PHACTR4: variants seen among roughly 807,000 people sequenced by gnomAD.
PHACTR4 encodes phosphatase and actin regulator 4, also known as protein phosphatase 1, regulatory subunit 124.
A neutral mutation model predicts 72.7 loss-of-function variants in PHACTR4; 51 were observed. The ratio of observed to expected loss-of-function variants is 0.70; its 90% CI spans 0.56 to 0.89. PHACTR4 has a LOEUF of 0.89. Among genes scored for constraint, PHACTR4 ranks in the 40% least tolerant of loss-of-function variants. The pLI, the probability that PHACTR4 is intolerant of heterozygous loss-of-function variation, is 0.00. For missense variants in PHACTR4, 731 were observed against 861.8 expected (o/e 0.85, Z 1.90); for synonymous variants, 255 against 302.5 (o/e 0.84, Z 1.63).
chr1:28,377,831 CAAAA>C (rs113558661), intron 1 of PHACTR4, among the ~76,000 whole-genome samples: 1 of 107,528 alleles, frequency 9.3e-6, no homozygotes, highest in African/African-American at 3.6e-5. Flanking sequence ...AAGACCATCT[CAAAA>C]AAAAAAAAAA....
intron 1 of PHACTR4, among the ~76,000 whole-genome samples, chr1:28,398,472 G>T (rs1653690724): frequency 6.6e-6 from 1 of 152,220 alleles, no homozygotes; most frequent in South Asian, 2.1e-4. Context: ...AGTGAGCCGA[G>T]ATCATGCCAC....
At chr1:28,414,427 CAA>C (rs765271793) in intron 2 of PHACTR4, among the ~76,000 whole-genome samples, 3 of 61,230 alleles carry the variant, frequency 4.9e-5, no homozygotes, top group Non-Finnish European at 6.9e-5. Flanking sequence ...TCCTCTGTCT[CAA>C]AAAAAAAAAA....
intron 2 of PHACTR4, among the ~76,000 whole-genome samples, chr1:28,456,920 T>C (rs75046396): frequency 4.2e-3 from 2 of 480 alleles, no homozygotes; most frequent in Middle Eastern, 0.5. Flanking sequence ...GAGAGACAGA[T>C]AGATAGATAG....
chr1:28,426,117 A>C (rs2124358396), intron 2 of PHACTR4, among the ~76,000 whole-genome samples: 1 of 152,192 alleles, frequency 6.6e-6, no homozygotes, highest in Middle Eastern at 3.4e-3. Context: ...GCTACTCGGG[A>C]GGCTGAGGCG....
intron 2 of PHACTR4, among the ~76,000 whole-genome samples, chr1:28,436,305 T>C (rs897681208): frequency 2.6e-5 from 4 of 152,132 alleles, no homozygotes; most frequent in African/African-American, 9.7e-5. Context: ...GCTCACTGTG[T>C]TGCCGAGGCT....
chr1:28,426,438 C>T (rs1655851630), intron 2 of PHACTR4, among the ~76,000 whole-genome samples: 1 of 151,916 alleles, frequency 6.6e-6, no homozygotes, highest in South Asian at 2.1e-4. Flanking sequence ...GCGGGTGGAT[C>T]ACGAGGTCAG....
In PHACTR4 at chr1:28,491,514, C is replaced by T. The variant is rs1477402279; in HGVS notation, c.1879-136C>T. ...TAACCATAATCACTGGGGGTGGGAC[C>T]TCCAGGGATCAATAGTGTCTAAAGC... On this transcript the variant is annotated intron_variant, in intron 11 of 13. Transcript: ENST00000373839. 20 of 1,203,340 alleles carry T rather than the reference C, an allele frequency of 1.7e-5. No homozygotes were observed. In the Admixed American group the frequency reaches 2.4e-4, roughly 14 times the overall value. 74.5% of individuals were successfully genotyped at this position (1,203,340 alleles called of 1,614,324 possible). A position where few individuals can be genotyped will look rare whatever the true frequency, so the allele number is the denominator to read the frequency against.
Position 28,459,147 on chromosome 1 carries a change from A to G in PHACTR4, c.79A>G (p.Thr27Ala). ...CCTGGACAGTGTGGAAGCAGGAGAC[A>G]CAACACCTCCTACCAAAAGGAAGAG... is the stretch of plus-strand genomic sequence containing the variant. ...MVLDSVEAGD[T>A]TPPTKRKSKF... The change falls in exon 3 of 14, where the codon ACA becomes GCA. Residue 27 changes from threonine (T) to alanine (A), a missense_variant. Thr to Ala is a moderately conservative substitution (Grantham distance 58, BLOSUM62 0). This residue lies in a region of PHACTR4 where 621 missense variants were observed against 676.6 expected (regional missense o/e 0.92). Coordinates refer to ENST00000373839, the MANE Select transcript of PHACTR4 (RefSeq NM_001048183.3). 6.2e-7 allele frequency: 1 copy of G among 1,614,024 alleles called. No homozygotes were observed. Among genetic ancestry groups the G allele is most frequent in the Non-Finnish European group, 8.5e-7 (1 of 1,179,930 alleles).
intron 2 of PHACTR4, among the ~76,000 whole-genome samples, chr1:28,439,068 G>A (rs191735631): frequency 7.9e-5 from 12 of 152,122 alleles, no homozygotes; most frequent in African/African-American, 2.9e-4. Flanking sequence ...GTAGTCACTT[G>A]TCACTGCAAG....
At chr1:28,423,238 T>C (rs962472110) in intron 2 of PHACTR4, among the ~76,000 whole-genome samples, 1 of 152,038 alleles carries the variant, frequency 6.6e-6, no homozygotes, top group Non-Finnish European at 1.5e-5. Context: ...CAAGACCTTG[T>C]CTTGACAAAA....
At chr1:28,487,114 C>A (rs1225914155) in intron 9 of PHACTR4, among the ~76,000 whole-genome samples, 1 of 152,060 alleles carries the variant, frequency 6.6e-6, no homozygotes, top group Non-Finnish European at 1.5e-5. Flanking sequence ...CGCCTGTAAT[C>A]CCAGCACTTT....
intron 9 of PHACTR4, among the ~76,000 whole-genome samples, chr1:28,487,717 GTTTTTTGTTGTTTTTTTTT>G (rs1329893427): frequency 2.0e-5 from 2 of 102,416 alleles, no homozygotes; most frequent in Admixed American, 9.9e-5. Flanking sequence ...ACAAATTGTA[GTTTTTTGTTGTTTTTTTTT>G]TTTTTTTTTT....
At position 28,455,201 on chromosome 1, in the gene PHACTR4, T is replaced by TC. The variant is rs1250797359; in HGVS notation, c.17-3884_17-3883insC. 5.7e-3 allele frequency among the ~76,000 whole-genome samples: 766 copies of TC among 133,576 alleles called. 8 individuals are homozygous for TC. Among genetic ancestry groups the TC allele is most frequent in the African/African-American group, 0.022 (688 of 31,598 alleles). 87.6% of individuals were successfully genotyped at this position (133,576 alleles called of 152,430 possible). A position where few individuals can be genotyped will look rare whatever the true frequency, so the allele number is the denominator to read the frequency against. On this transcript the variant is annotated intron_variant, in intron 2 of 13. Coordinates refer to ENST00000373839, the MANE Select transcript of PHACTR4 (RefSeq NM_001048183.3). ...TTCTTTTTCTTTTTCTTTCTTTCTT[T>TC]TTTTTTTTTTTTTTTTTGAGACAGA...
chr1:28,455,186 T>TTTTC (rs1557826348), intron 2 of PHACTR4, among the ~76,000 whole-genome samples: 3 of 129,040 alleles, frequency 2.3e-5, no homozygotes, highest in Admixed American at 7.7e-5. Context: ...TTCTTTTTCT[T>TTTTC]TTTCTTTCTT....
intron 1 of PHACTR4, among the ~76,000 whole-genome samples, chr1:28,401,065 A>G (rs1653909449): frequency 6.6e-6 from 1 of 152,054 alleles, no homozygotes; most frequent in Non-Finnish European, 1.5e-5. Flanking sequence ...CTTAGGTGGG[A>G]GGATTCTGCA....
chr1:28,394,309 A>T (rs1044583419), intron 1 of PHACTR4, among the ~76,000 whole-genome samples: 1 of 151,210 alleles, frequency 6.6e-6, no homozygotes, highest in Admixed American at 6.6e-5. Flanking sequence ...GGGAGGAAGG[A>T]AGAGGGAGGA....
At chr1:28,377,465 C>T (rs1244160573) in intron 1 of PHACTR4, among the ~76,000 whole-genome samples, 5 of 151,512 alleles carry the variant, frequency 3.3e-5, no homozygotes, top group African/African-American at 1.2e-4. Flanking sequence ...GTTTTGAACT[C>T]CTGACCTCAA....
intron 2 of PHACTR4, among the ~76,000 whole-genome samples, chr1:28,455,505 A>G (rs1297654287): frequency 6.6e-6 from 1 of 151,582 alleles, no homozygotes; most frequent in Non-Finnish European, 1.5e-5. Flanking sequence ...CCCCTAATTC[A>G]TTTTTCTTCA....
At chr1:28,481,764 T>A (rs1222888143) in intron 9 of PHACTR4, among the ~76,000 whole-genome samples, 1 of 146,774 alleles carries the variant, frequency 6.8e-6, no homozygotes, top group East Asian at 2.0e-4. Flanking sequence ...TACTGCAGCC[T>A]GGGCAACAGA....
Sources: gnomAD v4.1 joint callset for allele counts (sites outside exome capture counted in the v4.1 genomes callset) on GRCh38, gnomAD v4.1.1 for gene constraint, gnomAD v4.1.1 regional missense constraint, MANE v1.5 for transcripts, NCBI Gene and HGNC (gene_info 2026-07-23, HGNC 2026-07-21) for gene names.